Variants in NKAIN2 observed in about 807,000 individuals in gnomAD.
NKAIN2 encodes the protein sodium/potassium transporting ATPase interacting 2.
In NKAIN2, 14 loss-of-function variants were observed where a neutral mutation model predicts 32.6. That is an observed-to-expected ratio of 0.43 (90% CI 0.28 to 0.67). NKAIN2 has a LOEUF of 0.67. Among genes scored for constraint, NKAIN2 ranks in the 30% least tolerant of loss-of-function variants. NKAIN2 has a pLI of 0.17. For missense variants in NKAIN2, 198 were observed against 258.3 expected (o/e 0.77, Z 1.60); for synonymous variants, 80 against 87.2 (o/e 0.92, Z 0.46).
At chr6:124,181,089 A>C (rs1789425234) in intron 1 of NKAIN2, among the ~76,000 whole-genome samples, 1 of 152,180 alleles carries the variant, frequency 6.6e-6, no homozygotes. Context: ...AGAGGTTCCC[A>C]AACCTCAATT....
intron 3 of NKAIN2, among the ~76,000 whole-genome samples, chr6:124,653,540 A>G (rs569265806): frequency 2.6e-5 from 4 of 152,158 alleles, no homozygotes; most frequent in African/African-American, 9.6e-5. Flanking sequence ...GTAAAATGCA[A>G]AACTGTAAAA....
intron 1 of NKAIN2, among the ~76,000 whole-genome samples, chr6:124,189,330 A>G (rs1044243338): frequency 6.6e-6 from 1 of 152,150 alleles, no homozygotes; most frequent in Middle Eastern, 3.2e-3. Context: ...ATGAAACCCT[A>G]TATTGGACTA....
chr6:124,507,980 C>T (rs1026425784), intron 3 of NKAIN2, among the ~76,000 whole-genome samples: 1 of 151,818 alleles, frequency 6.6e-6, no homozygotes, highest in Admixed American at 6.6e-5. Context: ...AGGCCAGGCA[C>T]AATAGCTTAC....
chr6:123,933,022 A>T (rs896108475), intron 1 of NKAIN2, among the ~76,000 whole-genome samples: 2 of 152,112 alleles, frequency 1.3e-5, no homozygotes, highest in Non-Finnish European at 2.9e-5. Flanking sequence ...AAAATACTTT[A>T]CTGTCTGTCT....
chr6:124,767,982 A>G (rs1778584886), intron 4 of NKAIN2, among the ~76,000 whole-genome samples: 1 of 152,212 alleles, frequency 6.6e-6, no homozygotes, highest in Non-Finnish European at 1.5e-5. Flanking sequence ...ACATCATATC[A>G]TGTGACAATG....
chr6:124,723,691 G>T (rs11154257), intron 4 of NKAIN2, among the ~76,000 whole-genome samples: 2 of 152,032 alleles, frequency 1.3e-5, no homozygotes, highest in African/African-American at 2.4e-5. Flanking sequence ...AGTTTTTACT[G>T]TAAGTAAGAA....
intron 2 of NKAIN2, among the ~76,000 whole-genome samples, chr6:124,344,466 A>G (rs964397265): frequency 2.0e-4 from 30 of 151,714 alleles, no homozygotes; most frequent in Non-Finnish European, 3.2e-4. Flanking sequence ...ACCCATGAGC[A>G]TGGAATGTTC....
intron 1 of NKAIN2, among the ~76,000 whole-genome samples, chr6:123,851,114 A>G (rs1156746566): frequency 6.6e-6 from 1 of 151,996 alleles, no homozygotes; most frequent in Admixed American, 6.6e-5. Context: ...ACTTAGGTTG[A>G]TTCCATATTA....
chr6:124,648,054 AAAAC>A (rs1784242459), intron 3 of NKAIN2, among the ~76,000 whole-genome samples: 1 of 152,246 alleles, frequency 6.6e-6, no homozygotes, highest in Admixed American at 6.5e-5. Context: ...ATCTCCAAGT[AAAAC>A]AAACAAAGAA....
intron 5 of NKAIN2, among the ~76,000 whole-genome samples, chr6:124,794,600 G>T (rs1204387016): frequency 6.6e-6 from 1 of 152,100 alleles, no homozygotes; most frequent in Non-Finnish European, 1.5e-5. Context: ...CGCAAAATAT[G>T]AACCCTTCTA....
intron 1 of NKAIN2, among the ~76,000 whole-genome samples, chr6:124,062,592 C>T (rs1782966443): frequency 2.0e-5 from 3 of 152,080 alleles, no homozygotes; most frequent in Admixed American, 2.0e-4. Context: ...GCACGCCTGA[C>T]TAATCTTTGT....
intron 4 of NKAIN2, among the ~76,000 whole-genome samples, chr6:124,708,633 GCTCT>G (rs1775241210): frequency 6.6e-6 from 1 of 150,968 alleles, no homozygotes. Context: ...TCATGATTTG[GCTCT>G]CTGTCTGTTG....
intron 3 of NKAIN2, among the ~76,000 whole-genome samples, chr6:124,372,035 A>G (rs902904778): frequency 9.9e-5 from 15 of 152,122 alleles, no homozygotes; most frequent in Non-Finnish European, 1.6e-4. Flanking sequence ...AAACATAAAG[A>G]CATGAAGATT....
intron 1 of NKAIN2, among the ~76,000 whole-genome samples, chr6:124,000,447 A>T (rs1168310007): frequency 6.6e-6 from 1 of 152,094 alleles, no homozygotes; most frequent in Non-Finnish European, 1.5e-5. Context: ...AAAGAAAAAA[A>T]AATTATAGTA....
chr6:123,875,237 A>G (rs375732830), intron 1 of NKAIN2, among the ~76,000 whole-genome samples: 1 of 152,000 alleles, frequency 6.6e-6, no homozygotes, highest in South Asian at 2.1e-4. Flanking sequence ...CCTTAGCATA[A>G]ATTCCTAAAA....
At chr6:123,830,350 G>T (rs1351010693) in intron 1 of NKAIN2, among the ~76,000 whole-genome samples, 1 of 152,052 alleles carries the variant, frequency 6.6e-6, no homozygotes, top group Non-Finnish European at 1.5e-5. Context: ...CCTTCCTGTT[G>T]CTCTAGGCGT....
chr6:124,570,775 G>C (rs188980557), intron 3 of NKAIN2, among the ~76,000 whole-genome samples: 1 of 152,322 alleles, frequency 6.6e-6, no homozygotes, highest in East Asian at 1.9e-4. Context: ...CCCATACAGA[G>C]TCCCTACTTG....
intron 1 of NKAIN2, among the ~76,000 whole-genome samples, chr6:123,941,874 T>G (rs1776843146): frequency 6.6e-6 from 1 of 151,870 alleles, no homozygotes; most frequent in Non-Finnish European, 1.5e-5. Flanking sequence ...TGCCACCTCT[T>G]TTTTTTACCA....
chr6:124,736,629 A>C (rs1776960619), intron 4 of NKAIN2, among the ~76,000 whole-genome samples: 1 of 151,936 alleles, frequency 6.6e-6, no homozygotes, highest in Non-Finnish European at 1.5e-5. Flanking sequence ...AATCATGCTA[A>C]ATCTACTCTG....
Sources: allele counts gnomAD v4.1 joint callset (sites outside exome capture counted in the v4.1 genomes callset), GRCh38; gene constraint gnomAD v4.1.1; transcripts MANE v1.5; gene names NCBI Gene and HGNC (gene_info 2026-07-23, HGNC 2026-07-21).